The following MYH10 variants were observed in gnomAD, a reference collection of about 807,000 sequenced individuals.
The protein encoded by MYH10 is myosin heavy chain 10.
Under a neutral mutation model 257.8 loss-of-function variants are expected in MYH10, and 55 were observed. The observed-to-expected ratio is 0.21, with a 90% confidence interval of 0.17 to 0.27. MYH10 has a LOEUF of 0.27. MYH10 is among the 10% of genes least tolerant of loss of function. The pLI, the probability that MYH10 is intolerant of heterozygous loss-of-function variation, is 1.00. For missense variants in MYH10, 1,631 were observed against 2,500.6 expected, an observed-to-expected ratio of 0.65 and a Z score of 7.42; for synonymous variants, 854 against 921.7, an observed-to-expected ratio of 0.93 and a Z score of 1.33.
At chr17:8,553,081 CAGAT>C (rs767517495) in intron 8 of MYH10, among the ~76,000 whole-genome samples, 1 of 152,190 alleles carries the variant, frequency 6.6e-6, no homozygotes, top group Non-Finnish European at 1.5e-5. Context: ...CTGTATGTGT[CAGAT>C]AGCCTGAATT....
At chr17:8,497,613 C>T (rs1329181329) in intron 30 of MYH10, among the ~76,000 whole-genome samples, 3 of 151,704 alleles carry the variant, frequency 2.0e-5, no homozygotes, top group Non-Finnish European at 2.9e-5. Context: ...GTGGCGGGTG[C>T]CTGTAGTCCC....
intron 2 of MYH10, among the ~76,000 whole-genome samples, chr17:8,608,183 G>A (rs1422167530): frequency 6.6e-6 from 1 of 152,210 alleles, no homozygotes; most frequent in Non-Finnish European, 1.5e-5. Flanking sequence ...GGTATTGAAG[G>A]TTCAGGAGAG....
intron 14 of MYH10, among the ~76,000 whole-genome samples, chr17:8,538,029 G>A (rs982294308): frequency 2.0e-5 from 3 of 152,184 alleles, no homozygotes; most frequent in East Asian, 1.9e-4. Context: ...GGCCTGTCAG[G>A]TGCCACCACA....
intron 21 of MYH10, among the ~76,000 whole-genome samples, chr17:8,514,328 C>A (rs1323579319): frequency 1.3e-5 from 2 of 152,166 alleles, no homozygotes; most frequent in African/African-American, 4.8e-5. Context: ...AAACATTTCT[C>A]CCCAACCCCC....
At chr17:8,499,756 A>C (rs7212876) in intron 29 of MYH10, among the ~76,000 whole-genome samples, 64,287 of 152,096 alleles carry the variant, frequency 0.42, 13,557 homozygotes, top group East Asian at 0.54. Context: ...CTGTCTGCAG[A>C]GTCATCACTC....
At chr17:8,481,456 T>C (rs747128625) in intron 37 of MYH10, 46 bp from the exon 38 acceptor site, 7 of 1,558,602 alleles carry the variant, frequency 4.5e-6, no homozygotes, top group Middle Eastern at 1.7e-4. Flanking sequence ...AATAGTTTCC[T>C]CACCTGTGGA....
In MYH10 at chr17:8,569,460, A is replaced by C. The variant is rs942346568; in HGVS notation, c.756+260T>G. Among the ~76,000 whole-genome samples, 4 of 152,222 alleles carry C rather than the reference A, an allele frequency of 2.6e-5. No individual in the cohort carries two copies. The highest frequency in any genetic ancestry group is 2.6e-4 in the Admixed American group (4 of 15,278). ...AAGATAAATAAGCTCAGAGAGGTTAAATTACATATCCATAAAATAAGACAG... is the reference window on the plus strand; with the variant it reads ...AAGATAAATAAGCTCAGAGAGGTTACATTACATATCCATAAAATAAGACAG... On this transcript the variant is annotated intron_variant, in intron 7 of 42. Coordinates refer to ENST00000360416, the MANE Select transcript of MYH10 (RefSeq NM_001256012.3). This position sits in a 1 kb window ranked among gnomAD's most constrained non-coding sequence, Gnocchi z 4.1.
intron 34 of MYH10, 92 bp downstream of exon 34, chr17:8,492,205 G>T (rs1315438663): frequency 3.1e-6 from 4 of 1,291,528 alleles, no homozygotes; most frequent in South Asian, 1.4e-5. Flanking sequence ...GGTCCTTCAG[G>T]CTCCCCTGAG....
In MYH10 at chr17:8,506,488, T is replaced by A; in HGVS notation, c.3216A>T (p.Glu1072Asp). ...GAGTCTTTTCTTCCTTCTTTAAGCG[T>A]TCTTTAAGGTAAGACATAAGAAGCT... Reference protein sequence around the residue: ...KQEVMISDLEERLKKEEKTRQ... With the variant: ...KQEVMISDLEDRLKKEEKTRQ... The change falls in exon 27 of 43, where the codon GAA (glutamate) becomes GAT (aspartate). Residue 1072 changes from glutamate to aspartate, a missense_variant and splice_region_variant. Coordinates refer to ENST00000360416, the MANE Select transcript of MYH10 (RefSeq NM_001256012.3). This position sits in a 1 kb window ranked among gnomAD's most constrained non-coding sequence, Gnocchi z 5.0. The A allele has an allele frequency of 6.2e-7, 1 of 1,611,072 alleles. No individual in the cohort carries two copies.
At chr17:8,511,041 T>TATATATAC (rs2081264080) in intron 24 of MYH10, 88 of 8,438 alleles carry the variant, frequency 0.01, 1 homozygote, top group African/African-American at 0.014. Context: ...TATATATATA[T>TATATATAC]ATATATATAT....
chr17:8,502,627 AGTCTGC>A (rs1424060721), intron 28 of MYH10, among the ~76,000 whole-genome samples: 1 of 152,136 alleles, frequency 6.6e-6, no homozygotes, highest in Non-Finnish European at 1.5e-5. Flanking sequence ...AATGCCAGTG[AGTCTGC>A]AGAAGACTCA....
intron 8 of MYH10, 88 bp downstream of exon 8, chr17:8,553,867 G>T: frequency 9.8e-7 from 1 of 1,021,326 alleles, no homozygotes; most frequent in Non-Finnish European, 1.5e-6. Context: ...TCTGGATTTT[G>T]GGAGTGATAT....
chr17:8,614,896 T>C (rs1171812760), intron 2 of MYH10, among the ~76,000 whole-genome samples: 1 of 152,150 alleles, frequency 6.6e-6, no homozygotes, highest in African/African-American at 2.4e-5. Flanking sequence ...AAAGAAAACA[T>C]GACTATTAAT....
At chr17:8,596,907 G>A (rs1311288252) in intron 3 of MYH10, among the ~76,000 whole-genome samples, 1 of 152,064 alleles carries the variant, frequency 6.6e-6, no homozygotes, top group Non-Finnish European at 1.5e-5. Flanking sequence ...ATACAACCAA[G>A]GAAAGAAGCA....
chr17:8,496,066 C>T (rs1916571152), intron 30 of MYH10, among the ~76,000 whole-genome samples: 1 of 152,156 alleles, frequency 6.6e-6, no homozygotes, highest in African/African-American at 2.4e-5. Flanking sequence ...AATATTTAAG[C>T]TATTTCTTAT....
At chr17:8,527,938 T>C (rs974812436) in intron 17 of MYH10, among the ~76,000 whole-genome samples, 3 of 152,234 alleles carry the variant, frequency 2.0e-5, no homozygotes, top group South Asian at 2.1e-4. Flanking sequence ...ACGTAAACTA[T>C]GTCAGACCTA....
chr17:8,605,026 A>G (rs1359553915), intron 2 of MYH10, 44 bp from the exon 3 acceptor site: 4 of 1,095,894 alleles, frequency 3.6e-6, no homozygotes, highest in Non-Finnish European at 4.9e-6. Context: ...AAACCTCTGC[A>G]TTTATCAATC....
At chr17:8,578,737 C>T (rs923691028) in intron 4 of MYH10, among the ~76,000 whole-genome samples, 41 of 152,226 alleles carry the variant, frequency 2.7e-4, no homozygotes, top group African/African-American at 9.6e-4. Context: ...ACCTGAATTA[C>T]GGCCTCTGCT....
intron 6 of MYH10, among the ~76,000 whole-genome samples, chr17:8,574,649 C>CA (rs1567923761): frequency 6.6e-6 from 1 of 152,182 alleles, no homozygotes; most frequent in African/African-American, 2.4e-5. Flanking sequence ...TTCATACTAC[C>CA]GTTTAGTGAT....
Sources: gnomAD v4.1 joint callset for allele counts (sites outside exome capture counted in the v4.1 genomes callset) on GRCh38, gnomAD v4.1.1 for gene constraint, Gnocchi (gnomAD v3.1) non-coding constraint, MANE v1.5 for transcripts, NCBI Gene and HGNC (gene_info 2026-07-23, HGNC 2026-07-21) for gene names.